The following TTL variants were observed in gnomAD, a reference collection of about 807,000 sequenced individuals.
TTL encodes the protein tubulin tyrosine ligase, also known as tubulin--tyrosine ligase.
A neutral mutation model predicts 41.1 loss-of-function variants in TTL; 10 were observed. The observed-to-expected ratio is 0.24, with a 90% CI of 0.15 to 0.41. The LOEUF is 0.41. Among genes scored for constraint, TTL ranks in the 10% least tolerant of loss-of-function variants. The pLI is 1.00. For synonymous variants in TTL, 175 were observed against 175.5 expected (o/e 1.00, Z 0.02); for missense variants, 367 against 460.4 (o/e 0.80, Z 1.86).
rs2104442112 is a variant in TTL, at chr2:112,482,407, C to T, written c.63C>T (p.Leu21=). 1.2e-6 allele frequency: 2 copies of T among 1,605,374 alleles called. No homozygotes were observed. The highest frequency in any genetic ancestry group is 1.1e-5 in the South Asian group (1 of 89,298). Reference sequence around the variant, plus strand: ...TCTACGCCGAGGTCTCCCGGCTGCTCCTCGCCACCGGCCACTGGAAGAGGC... The same window carrying T: ...TCTACGCCGAGGTCTCCCGGCTGCTTCTCGCCACCGGCCACTGGAAGAGGC... ...SSVYAEVSRL[L]LATGHWKRLR... is the part of the protein sequence containing the mutation. Residue 21 remains leucine, a synonymous_variant, in exon 1 of 7, where the codon CTC becomes CTT. Coordinates refer to ENST00000233336, the MANE Select transcript of TTL (RefSeq NM_153712.5). The surrounding 1 kb of genome is among the most constrained non-coding windows in gnomAD (Gnocchi z 5.3).
intron 6 of TTL, among the ~76,000 whole-genome samples, chr2:112,526,761 G>T (rs1374038287): frequency 6.6e-6 from 1 of 152,030 alleles, no homozygotes; most frequent in Non-Finnish European, 1.5e-5. Context: ...TTGATTTTTT[G>T]AAGGGTTTTT....
At chr2:112,501,549 G>A (rs1040043392) in intron 4 of TTL, among the ~76,000 whole-genome samples, 1 of 151,620 alleles carries the variant, frequency 6.6e-6, no homozygotes, top group Non-Finnish European at 1.5e-5. Flanking sequence ...ATGTTACTAC[G>A]ATTATGGATT....
intron 3 of TTL, among the ~76,000 whole-genome samples, chr2:112,497,696 G>T (rs578255717): frequency 6.7e-4 from 101 of 151,846 alleles, no homozygotes; most frequent in Non-Finnish European, 1.3e-3. Flanking sequence ...CCAGATGGTC[G>T]AACAAGTGAC....
At position 112,525,389 on chromosome 2, in the gene TTL, C is replaced by T. The variant is rs561208449; in HGVS notation, c.1020-3292C>T. 3.9e-5 allele frequency among the ~76,000 whole-genome samples: 6 copies of T among 152,210 alleles called. No homozygotes were observed. In the South Asian group the frequency reaches 1.2e-3, roughly 32 times the overall value. ...CTATAAATTACCTTGGGTAGTATGG[C>T]CATTTTCACAACATTGATTCTTCCT... is the stretch of plus-strand genomic sequence containing the variant. On this transcript the variant is annotated intron_variant, in intron 6 of 6. Coordinates refer to ENST00000233336, the MANE Select transcript of TTL (RefSeq NM_153712.5).
At chr2:112,523,214 A>G (rs1283008977) in intron 6 of TTL, among the ~76,000 whole-genome samples, 1 of 152,004 alleles carries the variant, frequency 6.6e-6, no homozygotes, top group Non-Finnish European at 1.5e-5. Context: ...TTCTTTACCA[A>G]AACATCTTGA....
intron 6 of TTL, 122 bp from the exon 7 acceptor site, chr2:112,528,559 G>A (rs1682422150): frequency 1.4e-5 from 10 of 737,812 alleles, no homozygotes; most frequent in South Asian, 1.7e-5. Context: ...TACCATGATC[G>A]CACCACTGCA....
intron 3 of TTL, among the ~76,000 whole-genome samples, chr2:112,496,282 T>G (rs921659282): frequency 1.8e-4 from 27 of 152,228 alleles, no homozygotes; most frequent in Non-Finnish European, 3.5e-4. Context: ...CTTTTTGCTT[T>G]AAGAGTTGAA....
At position 112,535,067 on chromosome 2, in the gene TTL, A is replaced by G. The variant is rs796611152; in HGVS notation, c.*6272A>G. The stretch of plus-strand genomic sequence containing the variant: ...AAAGAGAAAGATTGAGAAAGAAAAA[A>G]GAGAAAGAAGAAAGAAAAGAAAAAA... On this transcript the variant is annotated 3_prime_UTR_variant, in exon 7 of 7. Transcript: ENST00000233336. 5.3e-5 allele frequency: 8 copies of G among 152,198 alleles called. No individual in the cohort carries two copies. The highest frequency in any genetic ancestry group is 1.4e-4 in the African/African-American group (6 of 41,536). 9.4% of individuals were successfully genotyped at this position (152,198 alleles called of 1,614,324 possible). A position where few individuals can be genotyped will look rare whatever the true frequency, so the allele number is the denominator to read the frequency against.
At chr2:112,510,295 A>G (rs1337679069) in intron 5 of TTL, among the ~76,000 whole-genome samples, 9 of 151,944 alleles carry the variant, frequency 5.9e-5, no homozygotes, top group South Asian at 2.1e-4. Flanking sequence ...GTGCCTGGCT[A>G]ATTTTTTTAT....
At chr2:112,518,745 G>T (rs1227626064) in intron 5 of TTL, among the ~76,000 whole-genome samples, 2 of 149,816 alleles carry the variant, frequency 1.3e-5, no homozygotes, top group Non-Finnish European at 3.0e-5. Context: ...CACAGTCTTA[G>T]CTCACTGCAA....
chr2:112,540,999 A>G lies in TTL; in HGVS notation c.*12204A>G, dbSNP rs1254865320. On this transcript the variant is annotated 3_prime_UTR_variant, in exon 7 of 7. Transcript: ENST00000233336. Reference sequence around the variant, plus strand: ...TACCTTCAAAAATAACTGAGGAAGTACAATTGGAATGTTCATGACAGAAAT... The same window carrying G: ...TACCTTCAAAAATAACTGAGGAAGTGCAATTGGAATGTTCATGACAGAAAT... 6.6e-6 allele frequency: 1 copy of G among 152,260 alleles called. No homozygotes were observed. The highest frequency in any genetic ancestry group is 1.5e-5 in the Non-Finnish European group (1 of 68,044). 9.4% of individuals were successfully genotyped at this position (152,260 alleles called of 1,614,324 possible).
intron 2 of TTL, among the ~76,000 whole-genome samples, chr2:112,488,072 G>A (rs1482723967): frequency 6.6e-6 from 1 of 152,120 alleles, no homozygotes; most frequent in Non-Finnish European, 1.5e-5. Context: ...AGCCTTGGTG[G>A]GGTTCAGTGC....
At chr2:112,496,665 C>CTGTGTGTGTGTG (rs10635241) in intron 3 of TTL, among the ~76,000 whole-genome samples, 23 of 106,052 alleles carry the variant, frequency 2.2e-4, no homozygotes, top group Admixed American at 5.6e-4. Flanking sequence ...ATATATGTGT[C>CTGTGTGTGTGTG]TGTGTGTGTG....
chr2:112,502,361 G>A (rs1366138407), intron 4 of TTL, among the ~76,000 whole-genome samples: 1 of 152,180 alleles, frequency 6.6e-6, no homozygotes, highest in African/African-American at 2.4e-5. Flanking sequence ...CCAGGGCTTG[G>A]TGTGGTGGCT....
chr2:112,528,624 T>G, intron 6 of TTL, 57 bp from the exon 7 acceptor site: 1 of 1,466,536 alleles, frequency 6.8e-7, no homozygotes, highest in Non-Finnish European at 9.5e-7. Flanking sequence ...AACATCTATT[T>G]TTTTTGCTTG....
chr2:112,491,149 AC>A (rs987961553), intron 2 of TTL, among the ~76,000 whole-genome samples: 3 of 151,630 alleles, frequency 2.0e-5, no homozygotes, highest in African/African-American at 7.3e-5. Context: ...CTGCCACCAC[AC>A]CCGGCTAATT....
Position 112,503,011 on chromosome 2 carries a change from C to G in TTL, c.705C>G (p.Asp235Glu). The G allele has an allele frequency of 6.2e-7, 1 of 1,614,028 alleles. No individual in the cohort carries two copies. Among genetic ancestry groups the G allele is most frequent in the East Asian group, 2.2e-5 (1 of 44,872 alleles). Residue 235 changes from aspartate to glutamate, a missense_variant, in exon 5 of 7, where the codon GAC (aspartate) becomes GAG (glutamate). Asp to Glu is a conservative substitution (Grantham distance 45). Transcript: ENST00000233336. ...CATATCATGTTGATAATTTCCAAGA[C>G]AAAACCTGCCATTTGACCAATCACT... is the stretch of plus-strand genomic sequence containing the variant. ...SEPYHVDNFQ[D>E]KTCHLTNHCI...
At chr2:112,515,501 T>C (rs1450244305) in intron 5 of TTL, among the ~76,000 whole-genome samples, 1 of 152,190 alleles carries the variant, frequency 6.6e-6, no homozygotes, top group Non-Finnish European at 1.5e-5. Context: ...TTACTAAGTC[T>C]AGTAAAGATT....
intron 5 of TTL, among the ~76,000 whole-genome samples, chr2:112,518,428 TAAAAG>T (rs1367831268): frequency 6.6e-6 from 1 of 152,048 alleles, no homozygotes; most frequent in Non-Finnish European, 1.5e-5. Flanking sequence ...TGACTCATCT[TAAAAG>T]AACCATTTAA....
Sources: allele counts gnomAD v4.1 joint callset (sites outside exome capture counted in the v4.1 genomes callset), GRCh38; gene constraint gnomAD v4.1.1; non-coding constraint Gnocchi (gnomAD v3.1); transcripts MANE v1.5; gene names NCBI Gene and HGNC (gene_info 2026-07-23, HGNC 2026-07-21).